The following GMDS variants were observed in gnomAD, a reference collection of about 807,000 sequenced individuals.
GMDS encodes GDP-mannose 4,6 dehydratase.
In GMDS, 20 loss-of-function variants were observed where a neutral mutation model predicts 49.9. The ratio of observed to expected loss-of-function variants is 0.40; its 90% CI spans 0.28 to 0.58. The LOEUF (loss-of-function observed/expected upper bound fraction) is 0.58, where lower values mean the gene tolerates loss of function less well. Among genes scored for constraint, GMDS ranks in the 20% least tolerant of loss-of-function variants. The pLI, the probability that GMDS is intolerant of heterozygous loss-of-function variation, is 0.42. For synonymous variants in GMDS, 177 were observed against 178.6 expected, an observed-to-expected ratio of 0.99 and a Z score of 0.07; for missense variants, 362 against 481.4, an observed-to-expected ratio of 0.75 and a Z score of 2.32.
At chr6:1,646,097 G>T (rs1763475127) in intron 9 of GMDS, among the ~76,000 whole-genome samples, 1 of 152,182 alleles carries the variant, frequency 6.6e-6, no homozygotes, top group South Asian at 2.1e-4. Flanking sequence ...TTTTCCTGTT[G>T]CACTGTTACC....
chr6:1,656,833 C>A (rs551349072), intron 9 of GMDS, among the ~76,000 whole-genome samples: 16 of 152,232 alleles, frequency 1.1e-4, no homozygotes, highest in African/African-American at 3.1e-4. Context: ...CCTCCTTCTA[C>A]CGTATAACTG....
intron 9 of GMDS, among the ~76,000 whole-genome samples, chr6:1,697,209 C>T (rs1277839450): frequency 6.6e-6 from 1 of 152,202 alleles, no homozygotes; most frequent in Non-Finnish European, 1.5e-5. Flanking sequence ...TGTTGCAGTG[C>T]GTTGACGGCA....
At chr6:1,712,574 G>C (rs560797185) in intron 9 of GMDS, among the ~76,000 whole-genome samples, 1 of 152,326 alleles carries the variant, frequency 6.6e-6, no homozygotes, top group African/African-American at 2.4e-5. Flanking sequence ...CACTCACATG[G>C]AGAGAAGACG....
chr6:2,177,445 C>T (rs1045247617), intron 1 of GMDS, among the ~76,000 whole-genome samples: 2 of 152,128 alleles, frequency 1.3e-5, no homozygotes, highest in African/African-American at 4.8e-5. Flanking sequence ...AAATCCTCAA[C>T]AAAATACTGG....
chr6:2,035,517 A>T (rs552671153), intron 4 of GMDS, among the ~76,000 whole-genome samples: 4 of 152,088 alleles, frequency 2.6e-5, no homozygotes, highest in Non-Finnish European at 5.9e-5. Context: ...TCTCTGTCTT[A>T]TCATTCATTT....
At chr6:1,734,476 A>AATTTACAG (rs1396829779) in intron 8 of GMDS, among the ~76,000 whole-genome samples, 4 of 152,226 alleles carry the variant, frequency 2.6e-5, no homozygotes, top group Non-Finnish European at 4.4e-5. Context: ...AGGGCTGAAC[A>AATTTACAG]ATTTACAGAT....
chr6:2,191,138 G>A lies in GMDS; in HGVS notation c.102+54183C>T, dbSNP rs1231517737. Among the ~76,000 whole-genome samples, 1 of 152,094 alleles carries A rather than the reference G, an allele frequency of 6.6e-6. No homozygotes were observed. Among genetic ancestry groups the A allele is most frequent in the Non-Finnish European group, 1.5e-5 (1 of 67,982 alleles). On this transcript the variant is annotated intron_variant, in intron 1 of 10. Coordinates refer to ENST00000380815, the MANE Select transcript of GMDS (RefSeq NM_001500.4). This position sits in a 1 kb window ranked among gnomAD's most constrained non-coding sequence, Gnocchi z 4.6. The stretch of plus-strand genomic sequence containing the variant: ...AGGGTGCCGTGTTCTTGCGCCCCCA[G>A]AGAGGACTCTGCACAGGGCCACCCA...
chr6:1,858,382 A>G (rs1396317194), intron 7 of GMDS, among the ~76,000 whole-genome samples: 3 of 152,208 alleles, frequency 2.0e-5, no homozygotes, highest in African/African-American at 4.8e-5. Flanking sequence ...TATTGTGTGC[A>G]GCTGTATGGC....
intron 7 of GMDS, among the ~76,000 whole-genome samples, chr6:1,806,439 AACACACAC>A (rs34940754): frequency 2.7e-5 from 4 of 146,112 alleles, no homozygotes; most frequent in African/African-American, 1.0e-4. Context: ...AGCACATGGG[AACACACAC>A]ACACACACAC....
intron 4 of GMDS, among the ~76,000 whole-genome samples, chr6:2,089,626 T>TAACAACACA (rs1233611238): frequency 6.6e-6 from 1 of 152,216 alleles, no homozygotes; most frequent in Non-Finnish European, 1.5e-5. Context: ...TTACTATGTG[T>TAACAACACA]TGTTCACTGC....
intron 7 of GMDS, among the ~76,000 whole-genome samples, chr6:1,905,598 T>A (rs3895318): frequency 8.7e-6 from 1 of 114,816 alleles, no homozygotes; most frequent in Non-Finnish European, 1.8e-5. Flanking sequence ...TGGGTGTTGG[T>A]GTGTAGGTGG....
intron 7 of GMDS, among the ~76,000 whole-genome samples, chr6:1,891,943 G>A (rs1269221883): frequency 1.3e-5 from 2 of 152,176 alleles, no homozygotes; most frequent in Non-Finnish European, 2.9e-5. Context: ...CCCATCGACT[G>A]TAAACATTCA....
At chr6:2,095,446 C>T (rs1773540853) in intron 4 of GMDS, among the ~76,000 whole-genome samples, 1 of 152,042 alleles carries the variant, frequency 6.6e-6, no homozygotes, top group Non-Finnish European at 1.5e-5. Context: ...GACATATACA[C>T]AAGAGTAAAA....
chr6:1,979,200 T>C (rs1246736788), intron 4 of GMDS, among the ~76,000 whole-genome samples: 2 of 152,152 alleles, frequency 1.3e-5, no homozygotes, highest in Non-Finnish European at 2.9e-5. Context: ...GAGGATGAGA[T>C]GGCTGAAATA....
intron 4 of GMDS, among the ~76,000 whole-genome samples, chr6:2,109,171 C>T (rs985842465): frequency 1.2e-4 from 18 of 152,270 alleles, no homozygotes; most frequent in African/African-American, 4.1e-4. Context: ...GAACTGTGAG[C>T]AGGCAGCACA....
rs530787676 is a variant in GMDS at position 1,760,138 on chromosome 6, G to A, written c.772-17552C>T. Among the ~76,000 whole-genome samples, 16 of 152,294 alleles carry A rather than the reference G, an allele frequency of 1.1e-4. No homozygotes were observed. In the South Asian group the frequency reaches 2.9e-3, roughly 28 times the overall value. ...AGCCCACGAGGAGGGAGGGAGTGAGGGAGATGTGCAGACACAGAGGAAAGC... is the reference window on the plus strand; with the variant it reads ...AGCCCACGAGGAGGGAGGGAGTGAGAGAGATGTGCAGACACAGAGGAAAGC... On this transcript the variant is annotated intron_variant, in intron 7 of 10. Coordinates refer to ENST00000380815, the MANE Select transcript of GMDS (RefSeq NM_001500.4).
At chr6:1,672,186 T>C (rs1446532254) in intron 9 of GMDS, among the ~76,000 whole-genome samples, 1 of 152,190 alleles carries the variant, frequency 6.6e-6, no homozygotes, top group Non-Finnish European at 1.5e-5. Context: ...TGTGGAGCAT[T>C]TGAGACGTCT....
At chr6:2,077,751 G>A (rs1019404439) in intron 4 of GMDS, among the ~76,000 whole-genome samples, 17 of 151,680 alleles carry the variant, frequency 1.1e-4, no homozygotes, top group Non-Finnish European at 1.8e-4. Context: ...TTCTTTTTTT[G>A]TGTGTCCTTG....
At chr6:1,720,082 T>C (rs935305093) in intron 9 of GMDS, among the ~76,000 whole-genome samples, 1 of 152,218 alleles carries the variant, frequency 6.6e-6, no homozygotes, top group African/African-American at 2.4e-5. Context: ...TAGCTATGTA[T>C]AGCCATAAAG....
Sources: allele counts gnomAD v4.1 joint callset (sites outside exome capture counted in the v4.1 genomes callset), GRCh38; gene constraint gnomAD v4.1.1; non-coding constraint Gnocchi (gnomAD v3.1); transcripts MANE v1.5; gene names NCBI Gene and HGNC (gene_info 2026-07-23, HGNC 2026-07-21).